Variants in DIAPH3 observed in about 807,000 individuals in gnomAD.
The protein encoded by DIAPH3 is protein diaphanous homolog 3.
DIAPH3 carries 117 observed loss-of-function variants against 144.3 expected under a neutral mutation model. That is an observed-to-expected ratio of 0.81 (90% confidence interval 0.70 to 0.95). DIAPH3 has a LOEUF of 0.95. Ranked by LOEUF, DIAPH3 falls within the 40% of genes least tolerant of loss-of-function variation. The pLI is 0.00. For missense variants in DIAPH3, 1,421 were observed against 1,412.7 expected, an observed-to-expected ratio of 1.01 and a Z score of -0.09; for synonymous variants, 519 against 488.9, an observed-to-expected ratio of 1.06 and a Z score of -0.81.
At chr13:59,785,497 G>A (rs186755909) in intron 25 of DIAPH3, among the ~76,000 whole-genome samples, 30 of 152,142 alleles carry the variant, frequency 2.0e-4, no homozygotes, top group Admixed American at 1.2e-3. Flanking sequence ...TATAAGATGA[G>A]GATAATAATA....
At chr13:59,705,415 T>C (rs1165225795) in intron 27 of DIAPH3, among the ~76,000 whole-genome samples, 1 of 152,234 alleles carries the variant, frequency 6.6e-6, no homozygotes, top group Non-Finnish European at 1.5e-5. Flanking sequence ...GTAGCATCTT[T>C]GTTTTCAATG....
intron 9 of DIAPH3, among the ~76,000 whole-genome samples, chr13:60,005,492 T>C (rs1036090100): frequency 3.4e-4 from 51 of 152,158 alleles, no homozygotes; most frequent in African/African-American, 1.1e-3. Context: ...TTTTTTCTTT[T>C]TTTTGAGACA....
chr13:60,115,404 C>A (rs2058677126), intron 2 of DIAPH3, among the ~76,000 whole-genome samples: 1 of 152,144 alleles, frequency 6.6e-6, no homozygotes, highest in East Asian at 1.9e-4. Flanking sequence ...CTGAAATACG[C>A]AATTTACTGG....
chr13:59,737,007 T>C (rs1212689911), intron 27 of DIAPH3, among the ~76,000 whole-genome samples: 1 of 151,990 alleles, frequency 6.6e-6, no homozygotes, highest in Non-Finnish European at 1.5e-5. Context: ...TAACACGAGA[T>C]GGACTAAGGA....
intron 27 of DIAPH3, among the ~76,000 whole-genome samples, chr13:59,715,062 A>T (rs1187828425): frequency 1.3e-5 from 2 of 152,120 alleles, no homozygotes; most frequent in Non-Finnish European, 2.9e-5. Context: ...ATAAGCTAGC[A>T]AGTAGGATAG....
At chr13:59,788,464 C>CT (rs1341977061) in intron 25 of DIAPH3, among the ~76,000 whole-genome samples, 1 of 152,010 alleles carries the variant, frequency 6.6e-6, no homozygotes, top group Admixed American at 6.6e-5. Context: ...TAAAAAATAG[C>CT]TTTTTTAAAA....
chr13:60,116,773 T>C (rs1283189044), intron 2 of DIAPH3, among the ~76,000 whole-genome samples: 1 of 152,040 alleles, frequency 6.6e-6, no homozygotes, highest in African/African-American at 2.4e-5. Flanking sequence ...CTAACAGTAA[T>C]AGAAGACATA....
At chr13:60,157,146 T>C (rs1475792018) in intron 1 of DIAPH3, among the ~76,000 whole-genome samples, 2 of 151,756 alleles carry the variant, frequency 1.3e-5, no homozygotes, top group East Asian at 1.9e-4. Context: ...GGTTTCACCA[T>C]GTTGGCCAGG....
chr13:60,133,587 A>G (rs1324325802), intron 1 of DIAPH3, among the ~76,000 whole-genome samples: 2 of 152,178 alleles, frequency 1.3e-5, no homozygotes, highest in African/African-American at 4.8e-5. Context: ...GACAGTAGAC[A>G]CTTTTCAATT....
intron 25 of DIAPH3, among the ~76,000 whole-genome samples, chr13:59,802,677 T>TA (rs1593901281): frequency 1.5e-5 from 1 of 67,518 alleles, no homozygotes; most frequent in African/African-American, 5.2e-5. Context: ...ATTTTTTTTT[T>TA]TTTTTTTTTT....
intron 22 of DIAPH3, among the ~76,000 whole-genome samples, chr13:59,843,389 G>A (rs1484713993): frequency 6.6e-6 from 1 of 152,172 alleles, no homozygotes. Context: ...CCCAATGAGT[G>A]AGTGCTTCTC....
chr13:59,875,496 G>A (rs1332908888), intron 21 of DIAPH3, among the ~76,000 whole-genome samples: 1 of 151,696 alleles, frequency 6.6e-6, no homozygotes, highest in Non-Finnish European at 1.5e-5. Flanking sequence ...TTGGGGGAGA[G>A]GGGAAGAGAG....
intron 27 of DIAPH3, among the ~76,000 whole-genome samples, chr13:59,687,686 T>A (rs1426023429): frequency 6.6e-6 from 1 of 152,032 alleles, no homozygotes; most frequent in Non-Finnish European, 1.5e-5. Context: ...ACTTGGTTGC[T>A]AAGCAAATAT....
chr13:59,826,427 C>A (rs915830026), intron 24 of DIAPH3, among the ~76,000 whole-genome samples: 1 of 150,390 alleles, frequency 6.6e-6, no homozygotes, highest in Non-Finnish European at 1.5e-5. Flanking sequence ...AACTCCCATT[C>A]ACAATTGCTT....
At chr13:59,916,273 G>A (rs1412619545) in intron 18 of DIAPH3, 24 bp from the exon 19 acceptor site, 2 of 1,566,428 alleles carry the variant, frequency 1.3e-6, no homozygotes, top group Non-Finnish European at 1.8e-6. Flanking sequence ...AGAGAGAAAG[G>A]TTTATAATGA....
intron 1 of DIAPH3, among the ~76,000 whole-genome samples, chr13:60,150,113 C>A (rs145701187): frequency 6.6e-6 from 1 of 152,118 alleles, no homozygotes; most frequent in African/African-American, 2.4e-5. Context: ...CCACAGCTTT[C>A]GAGGTTCAAG....
intron 21 of DIAPH3, among the ~76,000 whole-genome samples, chr13:59,871,971 T>G (rs2044307702): frequency 1.3e-5 from 2 of 152,172 alleles, no homozygotes; most frequent in Non-Finnish European, 2.9e-5. Flanking sequence ...AATTTGTATC[T>G]TCTCTCTTTT....
chr13:60,138,105 T>G (rs2059337784), intron 1 of DIAPH3, among the ~76,000 whole-genome samples: 1 of 152,188 alleles, frequency 6.6e-6, no homozygotes, highest in Admixed American at 6.5e-5. Flanking sequence ...AGACACAATT[T>G]TCATAAGCTA....
At chr13:60,053,391 T>G (rs999674274) in intron 4 of DIAPH3, among the ~76,000 whole-genome samples, 1 of 152,136 alleles carries the variant, frequency 6.6e-6, no homozygotes, top group Non-Finnish European at 1.5e-5. Context: ...CCAACATAAT[T>G]TTTAAATCTT....
Sources: allele counts gnomAD v4.1 joint callset (sites outside exome capture counted in the v4.1 genomes callset), GRCh38; gene constraint gnomAD v4.1.1; transcripts MANE v1.5; gene names NCBI Gene and HGNC (gene_info 2026-07-23, HGNC 2026-07-21).